MAP2K3: variants seen among roughly 807,000 people sequenced by gnomAD.
The protein encoded by MAP2K3 is mitogen-activated protein kinase kinase 3.
In MAP2K3, 30 loss-of-function variants were observed where a neutral mutation model predicts 46.4. The observed-to-expected ratio is 0.65, with a 90% CI of 0.48 to 0.88. The LOEUF is 0.88. Among genes scored for constraint, MAP2K3 ranks in the 40% least tolerant of loss-of-function variants. The pLI is 0.00. For missense variants in MAP2K3, 380 were observed against 464.5 expected, an observed-to-expected ratio of 0.82 and a Z score of 1.67; for synonymous variants, 189 against 176.3, an observed-to-expected ratio of 1.07 and a Z score of -0.57.
intron 1 of MAP2K3, chr17:21,295,717 C>G: frequency 7.8e-7 from 1 of 1,289,286 alleles, no homozygotes; most frequent in Non-Finnish European, 1.0e-6. Context: ...CCCAGGCCTG[C>G]GAGGAGCGTG....
intron 9 of MAP2K3, among the ~76,000 whole-genome samples, chr17:21,309,858 C>A (rs112154030): frequency 1.3e-5 from 2 of 152,112 alleles, no homozygotes; most frequent in Admixed American, 6.6e-5. Context: ...CCCACCTTGG[C>A]CTTCCAAAGT....
At chr17:21,298,696 T>C (rs1976409802) in intron 2 of MAP2K3, among the ~76,000 whole-genome samples, 182 bp from the exon 3 acceptor site, 3 of 152,310 alleles carry the variant, frequency 2.0e-5, no homozygotes, top group Admixed American at 2.0e-4. Context: ...GGAGGCTCGA[T>C]GAGGCCGTGC....
chr17:21,298,989 C>T lies in MAP2K3; in HGVS notation c.165+63C>T, dbSNP rs1216799420. 4.3e-6 allele frequency: 7 copies of T among 1,610,086 alleles called. No homozygotes were observed. In the African/African-American group the frequency reaches 6.7e-5, roughly 15 times the overall value. ...TCACCTGACGAGCGGGTAGAGCTGA[C>T]CCTGCAGGGCCACTTTGGGGGGAGG... On this transcript the variant is annotated intron_variant, in intron 3 of 11. Coordinates refer to ENST00000342679, the MANE Select transcript of MAP2K3 (RefSeq NM_145109.3).
At chr17:21,312,307 C>T in intron 10 of MAP2K3, 26 bp downstream of exon 10, 2 of 1,565,372 alleles carry the variant, frequency 1.3e-6, no homozygotes, top group South Asian at 1.2e-5. Context: ...TGCTGAGCGC[C>T]TGCCACTGCC....
rs34458870 is a variant in MAP2K3, at chr17:21,300,652, C to A, written c.273C>A (p.Ala91=). ...VRHAQSGTIM[A]VKRIRATVNS... ...ACGCCCAGAGCGGCACCATCATGGC[C>A]GTGAAGGTGAGCAGGGCCTGGAGGC... The change falls in exon 4 of 12, where the codon GCC becomes GCA. Residue 91 remains alanine (A), a synonymous_variant. Coordinates refer to ENST00000342679, the MANE Select transcript of MAP2K3 (RefSeq NM_145109.3). 5.8e-6 allele frequency: 9 copies of A among 1,559,678 alleles called. No individual in the cohort carries two copies. Among genetic ancestry groups the A allele is most frequent in the Admixed American group, 3.5e-5 (2 of 57,616 alleles).
intron 1 of MAP2K3, among the ~76,000 whole-genome samples, chr17:21,290,822 A>T (rs558218801): frequency 2.9e-3 from 445 of 152,176 alleles, no homozygotes; most frequent in African/African-American, 0.01. Context: ...ATGGTGGCAC[A>T]CGTCTGTAGT....
At chr17:21,302,890 C>T (rs1488102032) in intron 6 of MAP2K3, among the ~76,000 whole-genome samples, 1 of 152,308 alleles carries the variant, frequency 6.6e-6, no homozygotes, top group Non-Finnish European at 1.5e-5. Context: ...GGGAGGCTGC[C>T]AAGAGCTGGG....
intron 9 of MAP2K3, among the ~76,000 whole-genome samples, chr17:21,307,845 CTTTTTTTTTTTTTTT>C (rs35690616): frequency 9.5e-6 from 1 of 104,764 alleles, no homozygotes; most frequent in Non-Finnish European, 1.8e-5. Context: ...GCCCGGCTAT[CTTTTTTTTTTTTTTT>C]TTTTTTTTTT....
chr17:21,285,125 G>GC (rs1177200351), intron 1 of MAP2K3, 156 bp downstream of exon 1: 1 of 851,426 alleles, frequency 1.2e-6, no homozygotes, highest in East Asian at 1.2e-4. Context: ...CCCGGGACCA[G>GC]CCCCCGCCTG....
chr17:21,294,945 G>A (rs1335625170), intron 1 of MAP2K3, among the ~76,000 whole-genome samples: 2 of 152,310 alleles, frequency 1.3e-5, no homozygotes, highest in South Asian at 2.1e-4. Flanking sequence ...CAGGTGACCT[G>A]CTGACTGGCT....
rs572781109 is a variant in MAP2K3, at chr17:21,308,350, G to C, written c.774+3222G>C. 4.7e-4 allele frequency among the ~76,000 whole-genome samples: 72 copies of C among 152,412 alleles called. No individual in the cohort carries two copies. In the East Asian group the frequency reaches 0.013, roughly 28 times the overall value. ...TTTAGTAGAGACGGGGTTTTGCCAT[G>C]TTGGCCAGGCTGGTCTCAAACTCCT... On this transcript the variant is annotated intron_variant, in intron 9 of 11. Coordinates refer to ENST00000342679, the MANE Select transcript of MAP2K3 (RefSeq NM_145109.3).
At chr17:21,313,716 C>T (rs1228159054) in intron 11 of MAP2K3, 179 bp downstream of exon 11, 3 of 633,952 alleles carry the variant, frequency 4.7e-6, no homozygotes, top group South Asian at 1.8e-5. Context: ...CCTCCTCCCT[C>T]CTTCCTGCAT....
At chr17:21,295,119 A>G (rs1409632459) in intron 1 of MAP2K3, among the ~76,000 whole-genome samples, 1 of 152,310 alleles carries the variant, frequency 6.6e-6, no homozygotes, top group Non-Finnish European at 1.5e-5. Flanking sequence ...AGGGAAGAGC[A>G]TTTCAGGCAG....
rs370792356 is a variant in MAP2K3 at position 21,290,079 on chromosome 17, G to C, written c.49+5110G>C. On this transcript the variant is annotated intron_variant, in intron 1 of 11. Coordinates refer to ENST00000342679, the MANE Select transcript of MAP2K3 (RefSeq NM_145109.3). Reference sequence around the variant, plus strand: ...GCTGATGCCCCCAAGGGCTTCCAAGGCCCGTCCCAAGGTTTACATGTGCCA... The same window carrying C: ...GCTGATGCCCCCAAGGGCTTCCAAGCCCCGTCCCAAGGTTTACATGTGCCA... Among the ~76,000 whole-genome samples, 397 of 152,342 alleles carry C rather than the reference G, an allele frequency of 2.6e-3. 1 individual carries two copies. Among genetic ancestry groups the C allele is most frequent in the South Asian group, 0.012 (58 of 4,826 alleles).
Position 21,303,240 on chromosome 17 carries a change from T to C in MAP2K3, c.568+6T>C. On this transcript the variant is annotated splice_donor_region_variant and intron_variant, in intron 7 of 11. Transcript: ENST00000342679. ...GCTGTCGGTGATCCACAGAGGTCAG[T>C]GCCCGGCAGCCACCCAGGCACGGTG... is the stretch of plus-strand genomic sequence containing the variant. 6.2e-7 allele frequency: 1 copy of C among 1,614,076 alleles called. No individual in the cohort carries two copies. Among genetic ancestry groups the C allele is most frequent in the South Asian group, 1.1e-5 (1 of 91,088 alleles).
intron 5 of MAP2K3, among the ~76,000 whole-genome samples, chr17:21,301,262 TTCTG>T (rs1343747313): frequency 2.0e-5 from 3 of 151,164 alleles, no homozygotes; most frequent in Admixed American, 6.6e-5. Context: ...CTGCACTCAG[TTCTG>T]TCTGTGTGAC....
At chr17:21,293,314 C>T (rs1473238518) in intron 1 of MAP2K3, among the ~76,000 whole-genome samples, 2 of 152,144 alleles carry the variant, frequency 1.3e-5, no homozygotes, top group Non-Finnish European at 2.9e-5. Context: ...CCCGTGTTGC[C>T]TCCTTCCCTC....
rs563440564 is a variant in MAP2K3 at position 21,299,007 on chromosome 17, G to C, written c.165+81G>C. On this transcript the variant is annotated intron_variant, in intron 3 of 11. Coordinates refer to ENST00000342679, the MANE Select transcript of MAP2K3 (RefSeq NM_145109.3). ...GAGCTGACCCTGCAGGGCCACTTTG[G>C]GGGGAGGTGACTGAGGGGTCAGAGA... 35 of 1,583,776 alleles carry C rather than the reference G, an allele frequency of 2.2e-5. No individual in the cohort carries two copies. The East Asian group carries it at 2.7e-4, about 12-fold the overall frequency.
At chr17:21,307,128 G>A (rs1976926579) in intron 9 of MAP2K3, among the ~76,000 whole-genome samples, 1 of 152,306 alleles carries the variant, frequency 6.6e-6, no homozygotes, top group Non-Finnish European at 1.5e-5. Context: ...CCTCCTCTCA[G>A]CATCAGTTGG....
Sources: allele counts gnomAD v4.1 joint callset (sites outside exome capture counted in the v4.1 genomes callset), GRCh38; gene constraint gnomAD v4.1.1; transcripts MANE v1.5; gene names NCBI Gene and HGNC (gene_info 2026-07-23, HGNC 2026-07-21).